ATP8B3: variants seen among roughly 807,000 people sequenced by gnomAD.
The protein encoded by ATP8B3 is phospholipid-transporting ATPase IK.
Under a neutral mutation model 140.9 loss-of-function variants are expected in ATP8B3, and 141 were observed. The observed-to-expected ratio is 1.00, with a 90% confidence interval of 0.87 to 1.15. ATP8B3 has a LOEUF of 1.15. Among genes scored for constraint, ATP8B3 ranks in the 50% most tolerant of loss-of-function variants. The pLI is 0.00. For missense variants in ATP8B3, 1,874 were observed against 1,740.6 expected (o/e 1.08, Z -1.36); for synonymous variants, 765 against 714.6 (o/e 1.07, Z -1.13).
At chr19:1,789,828 G>A in intron 22 of ATP8B3, 62 bp downstream of exon 22, 2 of 1,584,000 alleles carry the variant, frequency 1.3e-6, no homozygotes, top group Non-Finnish European at 8.6e-7. Context: ...CCCCGAGCCC[G>A]CCGCCCCTCC....
At chr19:1,801,287 G>A (rs1014406171) in intron 12 of ATP8B3, among the ~76,000 whole-genome samples, 1 of 152,016 alleles carries the variant, frequency 6.6e-6, no homozygotes, top group Non-Finnish European at 1.5e-5. Flanking sequence ...AAGTAGCTGG[G>A]ATTACAGGTG....
intron 10 of ATP8B3, among the ~76,000 whole-genome samples, chr19:1,804,634 C>T (rs552818951): frequency 2.0e-5 from 3 of 151,482 alleles, no homozygotes; most frequent in Non-Finnish European, 2.9e-5. Flanking sequence ...AAAGAAACCC[C>T]GTCTCTATTA....
In ATP8B3 at chr19:1,805,765, G is replaced by T; in HGVS notation, c.821+123C>A. ...AGCACCCACGCCCCAGACACTCATGGGGTGAGTGACCAAAGTCTCTGAGCG... is the reference window on the plus strand; with the variant it reads ...AGCACCCACGCCCCAGACACTCATGTGGTGAGTGACCAAAGTCTCTGAGCG... On this transcript the variant is annotated intron_variant, in intron 9 of 28. Transcript: ENST00000310127. This position sits in a 1 kb window ranked among gnomAD's most constrained non-coding sequence, Gnocchi z 5.2. 1 of 1,174,988 alleles carries T rather than the reference G, an allele frequency of 8.5e-7. No individual in the cohort carries two copies. 72.8% of individuals were successfully genotyped at this position (1,174,988 alleles called of 1,614,324 possible).
chr19:1,799,788 G>C, intron 14 of ATP8B3, 159 bp downstream of exon 14: 1 of 740,382 alleles, frequency 1.4e-6, no homozygotes, highest in Non-Finnish European at 2.2e-6. Context: ...AATTTTCCTG[G>C]CCCCCTCCAA....
chr19:1,808,910 C>A (rs535526129), intron 4 of ATP8B3, among the ~76,000 whole-genome samples: 76 of 152,294 alleles, frequency 5.0e-4, no homozygotes, highest in African/African-American at 1.7e-3. Context: ...TGGTGGCTCA[C>A]CCCTGTAATC....
At chr19:1,810,028 T>C (rs2069143084) in intron 3 of ATP8B3, among the ~76,000 whole-genome samples, 2 of 152,304 alleles carry the variant, frequency 1.3e-5, no homozygotes, top group Admixed American at 1.3e-4. Flanking sequence ...GGCCTGTACA[T>C]TTTACAGAGG....
chr19:1,782,576 G>A lies in ATP8B3; in HGVS notation c.*452C>T, dbSNP rs555305434. Reference sequence around the variant, plus strand: ...CTTTTGCCAGCTCTTCCGGAACGGTGTGGAGGGCTTCAAAAATGCTGACTT... The same window carrying A: ...CTTTTGCCAGCTCTTCCGGAACGGTATGGAGGGCTTCAAAAATGCTGACTT... On this transcript the variant is annotated 3_prime_UTR_variant, in exon 29 of 29. Transcript: ENST00000310127. The A allele has an allele frequency of 4.9e-4, 115 of 233,118 alleles. 1 individual carries two copies. Among genetic ancestry groups the A allele is most frequent in the African/African-American group, 2.5e-3 (109 of 43,636 alleles). The allele number at this position is 233,118 out of a possible 1,614,324, so 14.4% of individuals were successfully genotyped here. A position where few individuals can be genotyped will look rare whatever the true frequency, so the allele number is the denominator to read the frequency against.
chr19:1,797,265 G>A (rs1018943132), intron 14 of ATP8B3, among the ~76,000 whole-genome samples: 2 of 151,816 alleles, frequency 1.3e-5, no homozygotes, highest in Non-Finnish European at 2.9e-5. Context: ...GGAGCCGGAT[G>A]CGGCCCCGTC....
intron 25 of ATP8B3, among the ~76,000 whole-genome samples, 162 bp from the exon 26 acceptor site, chr19:1,785,870 C>T (rs1159481069): frequency 6.6e-6 from 1 of 152,062 alleles, no homozygotes; most frequent in Non-Finnish European, 1.5e-5. Context: ...GTGGCACACG[C>T]CTGTAATCTC....
Position 1,807,310 on chromosome 19 carries a change from C to T in ATP8B3, c.517-44G>A, listed in dbSNP as rs766663903. On this transcript the variant is annotated intron_variant, in intron 5 of 28. Coordinates refer to ENST00000310127, the MANE Select transcript of ATP8B3 (RefSeq NM_138813.4). This position sits in a 1 kb window ranked among gnomAD's most constrained non-coding sequence, Gnocchi z 5.9. ...AGGAAGGGTCACACCAGCCCACTCC[C>T]CCGTCCCCTGCCCTTCCACCAAGCC... 2.6e-5 allele frequency: 39 copies of T among 1,517,510 alleles called. No individual in the cohort carries two copies. In the Admixed American group the frequency reaches 6.1e-4, roughly 24 times the overall value. The allele number at this position is 1,517,510 out of a possible 1,614,324, so 94.0% of individuals were successfully genotyped here. A position where few individuals can be genotyped will look rare whatever the true frequency, so the allele number is the denominator to read the frequency against.
chr19:1,809,556 C>CA, intron 4 of ATP8B3, 87 bp downstream of exon 4: 1 of 1,092,712 alleles, frequency 9.2e-7, no homozygotes, highest in South Asian at 1.3e-5. Context: ...CAAGCAGAGG[C>CA]AGGACTCAGG....
rs1281960592 is a variant in ATP8B3, at chr19:1,794,118, C to G, written c.2055+1757G>C. ...TCACAGCTTGCTGTAGCCTCCACCT[C>G]CTGCACTCAAGCGATCCTCCTGCCT... On this transcript the variant is annotated intron_variant, in intron 18 of 28. Coordinates refer to ENST00000310127, the MANE Select transcript of ATP8B3 (RefSeq NM_138813.4). The surrounding 1 kb of genome is among the most constrained non-coding windows in gnomAD (Gnocchi z 4.8). Among the ~76,000 whole-genome samples, 1 of 152,186 alleles carries G rather than the reference C, an allele frequency of 6.6e-6. No individual in the cohort carries two copies. Among genetic ancestry groups the G allele is most frequent in the East Asian group, 1.9e-4 (1 of 5,188 alleles).
chr19:1,796,787 C>A lies in ATP8B3; in HGVS notation c.1677G>T (p.Glu559Asp). ...GCAGGCGCCAGAACTCCCGCACGGC[C>A]TCGTCCCCGTTGGTCCGCACGAGGT... is the stretch of plus-strand genomic sequence containing the variant. ...LLHLVRTNGD[E>D]AVREFWRLLA... Residue 559 changes from glutamate (E) to aspartate (D), a missense_variant, in exon 16 of 29, where the codon GAG becomes GAT. Around this residue, in one of 3 missense-constraint regions of ATP8B3, gnomAD observed 1,032 missense variants for 963.6 expected, o/e 1.07. Coordinates refer to ENST00000310127, the MANE Select transcript of ATP8B3 (RefSeq NM_138813.4). 1 of 1,612,500 alleles carries A rather than the reference C, an allele frequency of 6.2e-7. No individual in the cohort carries two copies. Among genetic ancestry groups the A allele is most frequent in the Non-Finnish European group, 8.5e-7 (1 of 1,179,644 alleles).
chr19:1,783,340 G>C (rs779306096), intron 28 of ATP8B3, 70 bp from the exon 29 acceptor site: 2 of 1,527,864 alleles, frequency 1.3e-6, no homozygotes, highest in Non-Finnish European at 1.8e-6. Flanking sequence ...GGTCCCCCAA[G>C]TAGGAGAGGC....
chr19:1,789,119 G>C lies in ATP8B3; in HGVS notation c.2847C>G (p.Thr949=). 6.3e-7 allele frequency: 1 copy of C among 1,577,434 alleles called. No homozygotes were observed. The highest frequency in any genetic ancestry group is 8.6e-7 in the Non-Finnish European group (1 of 1,168,068). Reference sequence around the variant, plus strand: ...CCGCCAGCCCCACGCCCACGTCCGCGGCTGCAGGGCACAAGCAGCTGGTCA... The same window carrying C: ...CCGCCAGCCCCACGCCCACGTCCGCCGCTGCAGGGCACAAGCAGCTGGTCA... The part of the protein sequence containing the change: ...DGANDINMIK[T]ADVGVGLAGQ... The change falls in exon 24 of 29, where the codon ACC becomes ACG. Residue 949 remains threonine, a splice_region_variant and synonymous_variant. Transcript: ENST00000310127.
At chr19:1,784,254 C>A (rs2068236374) in intron 28 of ATP8B3, among the ~76,000 whole-genome samples, 1 of 152,166 alleles carries the variant, frequency 6.6e-6, no homozygotes, top group South Asian at 2.1e-4. Flanking sequence ...GTGGCTCATG[C>A]CTGAAATCCC....
At chr19:1,789,174 C>T in intron 23 of ATP8B3, 54 bp from the exon 24 acceptor site, 5 of 1,048,682 alleles carry the variant, frequency 4.8e-6, no homozygotes, top group East Asian at 3.5e-5. Context: ...TCCCGCCCGC[C>T]CCCCCAGACC....
Position 1,805,558 on chromosome 19 carries a change from T to A in ATP8B3, c.822-102A>T. On this transcript the variant is annotated intron_variant, in intron 9 of 28. Coordinates refer to ENST00000310127, the MANE Select transcript of ATP8B3 (RefSeq NM_138813.4). The surrounding 1 kb of genome is among the most constrained non-coding windows in gnomAD (Gnocchi z 5.2). ...CACTCAAACATTTTCACTGAGCACCTACTAGTTCGCCAGCTGCCAGTCAGA... is the reference window on the plus strand; with the variant it reads ...CACTCAAACATTTTCACTGAGCACCAACTAGTTCGCCAGCTGCCAGTCAGA... The A allele has an allele frequency of 1.9e-6, 2 of 1,048,418 alleles. No individual in the cohort carries two copies. The highest frequency in any genetic ancestry group is 2.9e-6 in the Non-Finnish European group (2 of 694,420). 64.9% of individuals were successfully genotyped at this position (1,048,418 alleles called of 1,614,324 possible).
intron 17 of ATP8B3, 40 bp downstream of exon 17, chr19:1,796,037 C>T (rs1397533860): frequency 6.2e-7 from 1 of 1,611,576 alleles, no homozygotes; most frequent in South Asian, 1.1e-5. Context: ...GTCTGCCCGC[C>T]CCACCTTGGG....
Sources: gnomAD v4.1 joint callset for allele counts (sites outside exome capture counted in the v4.1 genomes callset) on GRCh38, gnomAD v4.1.1 for gene constraint, gnomAD v4.1.1 regional missense constraint, Gnocchi (gnomAD v3.1) non-coding constraint, MANE v1.5 for transcripts, NCBI Gene and HGNC (gene_info 2026-07-23, HGNC 2026-07-21) for gene names.